Variants in CNTNAP2 observed in about 807,000 individuals in gnomAD.
The protein encoded by CNTNAP2 is contactin-associated protein-like 2.
CNTNAP2 carries 98 observed loss-of-function variants against 155.2 expected under a neutral mutation model. That is an observed-to-expected ratio of 0.63 (90% confidence interval 0.54 to 0.75). The LOEUF (loss-of-function observed/expected upper bound fraction) is 0.75, where lower values mean the gene tolerates loss of function less well. CNTNAP2 is among the 30% of genes least tolerant of loss of function. The pLI is 0.00. For synonymous variants in CNTNAP2, 651 were observed against 631.2 expected (o/e 1.03, Z -0.47); for missense variants, 1,727 against 1,688.1 (o/e 1.02, Z -0.40).
intron 15 of CNTNAP2, among the ~76,000 whole-genome samples, chr7:148,029,637 T>A (rs771068221): frequency 6.6e-6 from 1 of 152,226 alleles, no homozygotes; most frequent in African/African-American, 2.4e-5. Context: ...AATATCAGCA[T>A]AGCATCCATA....
At chr7:147,280,185 T>C (rs1259161194) in intron 8 of CNTNAP2, among the ~76,000 whole-genome samples, 1 of 151,948 alleles carries the variant, frequency 6.6e-6, no homozygotes, top group African/African-American at 2.4e-5. Context: ...AAATCAACAG[T>C]GAAAAGAGGT....
intron 18 of CNTNAP2, chr7:148,189,752 A>G: frequency 6.6e-6 from 1 of 152,242 alleles, no homozygotes; most frequent in Non-Finnish European, 1.5e-5. Context: ...GCGGACTGCC[A>G]TAGCAGTCTC....
intron 1 of CNTNAP2, among the ~76,000 whole-genome samples, chr7:146,348,200 C>T (rs1483004426): frequency 1.3e-5 from 2 of 152,064 alleles, no homozygotes; most frequent in African/African-American, 2.4e-5. Context: ...GGGCGAGTCA[C>T]CTGAAGTCAG....
At chr7:146,630,719 T>C (rs973668919) in intron 1 of CNTNAP2, among the ~76,000 whole-genome samples, 1 of 152,060 alleles carries the variant, frequency 6.6e-6, no homozygotes, top group African/African-American at 2.4e-5. Flanking sequence ...TTTTCATTTC[T>C]CTAATGACCA....
At chr7:147,028,479 A>C (rs763528329) in intron 3 of CNTNAP2, among the ~76,000 whole-genome samples, 1 of 152,174 alleles carries the variant, frequency 6.6e-6, no homozygotes, top group Admixed American at 6.5e-5. Context: ...AGGCCGAGAG[A>C]GATGTTAAGG....
intron 4 of CNTNAP2, among the ~76,000 whole-genome samples, chr7:147,096,783 A>G (rs1239954560): frequency 6.6e-6 from 1 of 152,210 alleles, no homozygotes; most frequent in Non-Finnish European, 1.5e-5. Context: ...TGCAGGTGTC[A>G]TGAAGTAATG....
At chr7:146,359,160 T>A (rs1795046223) in intron 1 of CNTNAP2, among the ~76,000 whole-genome samples, 1 of 152,252 alleles carries the variant, frequency 6.6e-6, no homozygotes, top group South Asian at 2.1e-4. Flanking sequence ...CAGAAGTGAA[T>A]GTGTGAGACT....
intron 3 of CNTNAP2, among the ~76,000 whole-genome samples, chr7:146,906,923 A>G (rs1356084474): frequency 6.8e-6 from 1 of 146,838 alleles, no homozygotes; most frequent in African/African-American, 2.5e-5. Context: ...AGAAGAATGT[A>G]TAACTAGAAT....
At chr7:148,023,152 C>A (rs1315730038) in intron 15 of CNTNAP2, among the ~76,000 whole-genome samples, 1 of 152,112 alleles carries the variant, frequency 6.6e-6, no homozygotes, top group East Asian at 1.9e-4. Flanking sequence ...TCTGAAATTA[C>A]CCGTTTCCAA....
At chr7:148,310,919 CT>C in intron 21 of CNTNAP2, among the ~76,000 whole-genome samples, 2 of 152,190 alleles carry the variant, frequency 1.3e-5, no homozygotes, top group Non-Finnish European at 2.9e-5. Flanking sequence ...CAACCTTTCA[CT>C]GTTATTTTCG....
intron 14 of CNTNAP2, among the ~76,000 whole-genome samples, chr7:147,906,359 CGG>C (rs895805297): frequency 9.0e-4 from 137 of 151,734 alleles, no homozygotes; most frequent in African/African-American, 3.1e-3. Context: ...TTAGTACAGA[CGG>C]GGTTTCACCA....
intron 12 of CNTNAP2, among the ~76,000 whole-genome samples, chr7:147,632,227 G>T (rs1002377328): frequency 6.6e-6 from 1 of 152,094 alleles, no homozygotes; most frequent in African/African-American, 2.4e-5. Context: ...ATGAAAACAT[G>T]CCCAATGTCA....
chr7:147,982,227 C>T (rs905983941), intron 15 of CNTNAP2, among the ~76,000 whole-genome samples: 1 of 152,108 alleles, frequency 6.6e-6, no homozygotes, highest in Non-Finnish European at 1.5e-5. Flanking sequence ...TGATGTAAAA[C>T]TTTACTGTAC....
chr7:146,686,583 G>A (rs189395640), intron 1 of CNTNAP2, among the ~76,000 whole-genome samples: 4 of 152,122 alleles, frequency 2.6e-5, no homozygotes, highest in Admixed American at 6.6e-5. Flanking sequence ...ACAGATCATC[G>A]GCAAGTCTAA....
chr7:147,310,894 G>C (rs1309398908), intron 9 of CNTNAP2, among the ~76,000 whole-genome samples: 1 of 152,182 alleles, frequency 6.6e-6, no homozygotes, highest in Non-Finnish European at 1.5e-5. Context: ...ATAGCAAAAA[G>C]CAGGGTTGGG....
At chr7:147,207,279 C>T (rs1226675277) in intron 8 of CNTNAP2, among the ~76,000 whole-genome samples, 2 of 152,054 alleles carry the variant, frequency 1.3e-5, no homozygotes, top group African/African-American at 4.8e-5. Flanking sequence ...AATAAGTCAG[C>T]AATTTAAATG....
chr7:146,850,486 G>A (rs561700634), intron 3 of CNTNAP2, among the ~76,000 whole-genome samples: 1 of 152,214 alleles, frequency 6.6e-6, no homozygotes, highest in Non-Finnish European at 1.5e-5. Flanking sequence ...CTTATTGGGG[G>A]TTCCTTAAGT....
At chr7:147,584,806 C>A (rs1015652644) in intron 12 of CNTNAP2, among the ~76,000 whole-genome samples, 2 of 152,188 alleles carry the variant, frequency 1.3e-5, no homozygotes, top group Non-Finnish European at 2.9e-5. Context: ...AGGCAGGCAT[C>A]TTCATGCTTA....
At chr7:148,078,067 G>T (rs1393325843) in intron 15 of CNTNAP2, among the ~76,000 whole-genome samples, 2 of 149,948 alleles carry the variant, frequency 1.3e-5, no homozygotes, top group East Asian at 3.9e-4. Flanking sequence ...CATAATCATT[G>T]TTTTGTTTTT....
Sources: gnomAD v4.1 joint callset for allele counts (sites outside exome capture counted in the v4.1 genomes callset) on GRCh38, gnomAD v4.1.1 for gene constraint, MANE v1.5 for transcripts, NCBI Gene and HGNC (gene_info 2026-07-23, HGNC 2026-07-21) for gene names.